Variants in DENND5A observed in about 807,000 individuals in gnomAD.
DENND5A encodes the protein DENN domain-containing protein 5A.
Under a neutral mutation model 140.3 loss-of-function variants are expected in DENND5A, and 64 were observed. The observed-to-expected ratio is 0.46, with a 90% CI of 0.37 to 0.56. The LOEUF is 0.56. Among genes scored for constraint, DENND5A ranks in the 20% least tolerant of loss-of-function variants. DENND5A has a pLI of 0.00. For synonymous variants in DENND5A, 605 were observed against 607.7 expected (o/e 1.00, Z 0.07); for missense variants, 1,292 against 1,593.8 (o/e 0.81, Z 3.22).
At chr11:9,183,708 C>T (rs1848810123) in intron 5 of DENND5A, among the ~76,000 whole-genome samples, 1 of 152,116 alleles carries the variant, frequency 6.6e-6, no homozygotes. Flanking sequence ...CACACCCAGC[C>T]AGGTTTTTAA....
intron 4 of DENND5A, 132 bp downstream of exon 4, chr11:9,203,528 C>G: frequency 9.6e-7 from 1 of 1,036,540 alleles, no homozygotes; most frequent in South Asian, 1.7e-5. Context: ...CATCCACCAC[C>G]TACCTGCAAA....
At chr11:9,236,881 CTA>C (rs1432281053) in intron 1 of DENND5A, among the ~76,000 whole-genome samples, 1 of 152,046 alleles carries the variant, frequency 6.6e-6, no homozygotes, top group African/African-American at 2.4e-5. Flanking sequence ...TTCATTGTGA[CTA>C]TGTTTGAAGT....
At chr11:9,209,557 A>G (rs1366076900) in intron 1 of DENND5A, among the ~76,000 whole-genome samples, 1 of 152,194 alleles carries the variant, frequency 6.6e-6, no homozygotes, top group Non-Finnish European at 1.5e-5. Flanking sequence ...TAAATAAAGG[A>G]CTATACGGGG....
intron 10 of DENND5A, among the ~76,000 whole-genome samples, chr11:9,167,795 C>A (rs1848240400): frequency 2.0e-5 from 3 of 152,050 alleles, no homozygotes; most frequent in African/African-American, 4.8e-5. Context: ...AGAGTAAGAC[C>A]CCATTTCAAA....
intron 1 of DENND5A, among the ~76,000 whole-genome samples, chr11:9,219,622 G>A (rs1287570206): frequency 6.6e-6 from 1 of 152,204 alleles, no homozygotes; most frequent in Non-Finnish European, 1.5e-5. Context: ...ACGAGAAAGT[G>A]ACAGAGGATA....
At chr11:9,156,832 G>A (rs1847818864) in intron 12 of DENND5A, among the ~76,000 whole-genome samples, 1 of 149,732 alleles carries the variant, frequency 6.7e-6, no homozygotes, top group African/African-American at 2.5e-5. Flanking sequence ...AGGGAAAGGG[G>A]AAGGAGGGAA....
intron 1 of DENND5A, among the ~76,000 whole-genome samples, chr11:9,234,285 G>C (rs1850903600): frequency 6.6e-6 from 1 of 151,258 alleles, no homozygotes; most frequent in Admixed American, 6.6e-5. Context: ...AGATTCAAAA[G>C]TGCCCAAACC....
At chr11:9,162,978 A>C (rs765161869) in intron 11 of DENND5A, among the ~76,000 whole-genome samples, 1 of 151,650 alleles carries the variant, frequency 6.6e-6, no homozygotes, top group Non-Finnish European at 1.5e-5. Flanking sequence ...AGCTGGGATC[A>C]CAGGTGTGTG....
At position 9,180,940 on chromosome 11, in the gene DENND5A, A is replaced by C. The variant is rs1848708431; in HGVS notation, c.1282T>G (p.Cys428Gly). The C allele has an allele frequency of 6.2e-7, 1 of 1,614,050 alleles. No individual in the cohort carries two copies. The highest frequency in any genetic ancestry group is 1.3e-5 in the African/African-American group (1 of 74,918). Residue 428 changes from cysteine to glycine, a missense_variant, in exon 6 of 23, where the codon TGC becomes GGC. Physicochemically the swap from Cys to Gly is radical, Grantham distance 159 (BLOSUM62 -3). This residue lies in a region of DENND5A where 566 missense variants were observed against 650.4 expected (regional missense o/e 0.87). Coordinates refer to ENST00000328194, the MANE Select transcript of DENND5A (RefSeq NM_015213.4). ...FGIPPEGNLH[C>G]SESASKLKRL... The stretch of plus-strand genomic sequence containing the variant: ...TTCAGCTTGGAGGCACTCTCACTGC[A>C]ATGAAGATTCCCTTCAGGGGGAATT...
intron 1 of DENND5A, among the ~76,000 whole-genome samples, chr11:9,221,607 C>T (rs1186164585): frequency 1.3e-5 from 2 of 152,102 alleles, no homozygotes; most frequent in African/African-American, 2.4e-5. Context: ...CTCAGGCAAT[C>T]GGTCTGCCTC....
In DENND5A at chr11:9,193,674, C is replaced by G; in HGVS notation, c.957G>C (p.Gln319His). ...FQILLYSQHY[Q>H]RLMTVAETIT... ...TCGTCTCCGCCACAGTCATCAGTCT[C>G]TGGTAATCTGGGTCAACAACAACAA... is the stretch of plus-strand genomic sequence containing the variant. Residue 319 changes from glutamine to histidine, a missense_variant, in exon 5 of 23, where the codon CAG (glutamine) becomes CAC (histidine). This residue lies in a region of DENND5A where 566 missense variants were observed against 650.4 expected (regional missense o/e 0.87). Coordinates refer to ENST00000328194, the MANE Select transcript of DENND5A (RefSeq NM_015213.4). 6.2e-7 allele frequency: 1 copy of G among 1,606,358 alleles called. No homozygotes were observed. The highest frequency in any genetic ancestry group is 8.5e-7 in the Non-Finnish European group (1 of 1,177,180).
intron 5 of DENND5A, among the ~76,000 whole-genome samples, chr11:9,190,926 C>T (rs1379828540): frequency 6.6e-6 from 1 of 152,114 alleles, no homozygotes; most frequent in Non-Finnish European, 1.5e-5. Flanking sequence ...GGCTCAGATA[C>T]CCCAGAGCTT....
chr11:9,164,056 G>GATTT (rs1848088116), intron 11 of DENND5A, among the ~76,000 whole-genome samples: 2 of 57,960 alleles, frequency 3.5e-5, no homozygotes, highest in Admixed American at 2.6e-4. Context: ...TATTAATCAG[G>GATTT]TTTTTTTTTT....
At chr11:9,231,733 G>A (rs1224961393) in intron 1 of DENND5A, among the ~76,000 whole-genome samples, 526 of 65,366 alleles carry the variant, frequency 8.0e-3, no homozygotes, top group Middle Eastern at 0.043. Context: ...AAAAAAAAAA[G>A]ACTCTGGGAG....
chr11:9,250,287 T>C (rs1018716474), intron 1 of DENND5A, among the ~76,000 whole-genome samples: 4 of 151,862 alleles, frequency 2.6e-5, no homozygotes, highest in Non-Finnish European at 5.9e-5. Context: ...AAAAAAAGTT[T>C]CTTAGAAGCA....
intron 1 of DENND5A, among the ~76,000 whole-genome samples, chr11:9,257,453 T>C (rs1461502053): frequency 7.0e-6 from 1 of 142,560 alleles, no homozygotes; most frequent in Non-Finnish European, 1.5e-5. Flanking sequence ...AAAAAAAAGA[T>C]ATCCTTAATG....
At position 9,144,168 on chromosome 11, in the gene DENND5A, C is replaced by T. The variant is rs117315126; in HGVS notation, c.3233G>A (p.Arg1078Gln). The stretch of plus-strand genomic sequence containing the variant: ...GGGGGACTGCTGCAGCGGCGGGGTC[C>T]GGCATGGCCTCTCATCCACCTCAGG... ...SQPEVDERPC[R>Q]TPPLQQSPSV... Residue 1078 changes from arginine to glutamine, a missense_variant, in exon 19 of 23, where the codon CGG (arginine) becomes CAG (glutamine). Physicochemically the swap from Arg to Gln is conservative, Grantham distance 43. Around this residue, in one of 4 missense-constraint regions of DENND5A, gnomAD observed 498 missense variants for 689.7 expected, o/e 0.72. Coordinates refer to ENST00000328194, the MANE Select transcript of DENND5A (RefSeq NM_015213.4). 6.8e-4 allele frequency: 1,091 copies of T among 1,614,104 alleles called. No homozygotes were observed. Among genetic ancestry groups the T allele is most frequent in the East Asian group, 1.1e-3 (50 of 44,872 alleles).
chr11:9,185,826 C>T (rs1848893956), intron 5 of DENND5A, among the ~76,000 whole-genome samples: 2 of 151,466 alleles, frequency 1.3e-5, no homozygotes, highest in Non-Finnish European at 2.9e-5. Context: ...TGTGAGCTGT[C>T]TGTAAATTTG....
chr11:9,244,496 A>T (rs1209031566), intron 1 of DENND5A, among the ~76,000 whole-genome samples: 2 of 151,988 alleles, frequency 1.3e-5, no homozygotes, highest in Non-Finnish European at 2.9e-5. Flanking sequence ...CAGTCTCCCA[A>T]GTAGCTGGGA....
Sources: gnomAD v4.1 joint callset for allele counts (sites outside exome capture counted in the v4.1 genomes callset) on GRCh38, gnomAD v4.1.1 for gene constraint, gnomAD v4.1.1 regional missense constraint, MANE v1.5 for transcripts, NCBI Gene and HGNC (gene_info 2026-07-23, HGNC 2026-07-21) for gene names.